The following GRM5 variants were observed in gnomAD, a reference collection of about 807,000 sequenced individuals.
The protein encoded by GRM5 is metabotropic glutamate receptor 5.
A neutral mutation model predicts 83.1 loss-of-function variants in GRM5; 19 were observed. That is an observed-to-expected ratio of 0.23 (90% confidence interval 0.16 to 0.34). The LOEUF (loss-of-function observed/expected upper bound fraction) is 0.34. Ranked by LOEUF, GRM5 falls within the 10% of genes least tolerant of loss-of-function variation. The pLI is 1.00. For missense variants in GRM5, 1,160 were observed against 1,588.3 expected (o/e 0.73, Z 4.58); for synonymous variants, 675 against 633.6 (o/e 1.07, Z -0.98).
In GRM5 at chr11:89,047,171, T is replaced by C; in HGVS notation, c.661+41A>G. The C allele has an allele frequency of 7.0e-7, 1 of 1,430,228 alleles. No homozygotes were observed. Among genetic ancestry groups the C allele is most frequent in the Middle Eastern group, 1.8e-4 (1 of 5,478 alleles). The allele number at this position is 1,430,228 out of a possible 1,614,324, so 88.6% of individuals were successfully genotyped here. A position where few individuals can be genotyped will look rare whatever the true frequency, so the allele number is the denominator to read the frequency against. ...CAAACCTGAAATTGTAACTGTTGAG[T>C]GCATAATAATATATACTCGATGTAT... is the stretch of plus-strand genomic sequence containing the variant. On this transcript the variant is annotated intron_variant, in intron 2 of 9. Coordinates refer to ENST00000305447, the MANE Select transcript of GRM5 (RefSeq NM_001143831.3). The surrounding 1 kb of genome is among the most constrained non-coding windows in gnomAD (Gnocchi z 5.1).
At chr11:88,847,924 C>T (rs1430474267) in intron 3 of GRM5, among the ~76,000 whole-genome samples, 1 of 152,144 alleles carries the variant, frequency 6.6e-6, no homozygotes, top group South Asian at 2.1e-4. Flanking sequence ...AATCTATTTA[C>T]TTAGTGTACA....
intron 2 of GRM5, among the ~76,000 whole-genome samples, chr11:89,034,134 AG>A (rs1941328121): frequency 6.6e-6 from 1 of 151,708 alleles, no homozygotes; most frequent in African/African-American, 2.4e-5. Flanking sequence ...TGGATTTTAT[AG>A]GTTATTGTTT....
chr11:88,685,834 G>T (rs1030456964), intron 3 of GRM5, among the ~76,000 whole-genome samples: 6 of 152,322 alleles, frequency 3.9e-5, no homozygotes, highest in Non-Finnish European at 7.3e-5. Flanking sequence ...GGAAACCTCT[G>T]TTTAGATTTC....
intron 3 of GRM5, among the ~76,000 whole-genome samples, chr11:88,816,317 G>T (rs1943680475): frequency 6.6e-6 from 1 of 150,416 alleles, no homozygotes; most frequent in African/African-American, 2.4e-5. Context: ...TAGGCAGGTG[G>T]ATCATGAGAT....
intron 3 of GRM5, among the ~76,000 whole-genome samples, chr11:88,796,554 A>G (rs763382925): frequency 3.3e-5 from 5 of 152,152 alleles, no homozygotes; most frequent in Non-Finnish European, 2.9e-5. Flanking sequence ...TTCTGTGAAG[A>G]TTTATGATAA....
At chr11:88,580,730 T>A (rs1409353217) in intron 7 of GRM5, among the ~76,000 whole-genome samples, 1 of 152,246 alleles carries the variant, frequency 6.6e-6, no homozygotes, top group African/African-American at 2.4e-5. Context: ...TTAAAAGAGA[T>A]GTTTATAACA....
chr11:88,609,217 G>A (rs1938250501), intron 4 of GRM5, among the ~76,000 whole-genome samples: 1 of 152,124 alleles, frequency 6.6e-6, no homozygotes, highest in Non-Finnish European at 1.5e-5. Flanking sequence ...TCAATGTTTA[G>A]CGCCCACTTA....
intron 3 of GRM5, among the ~76,000 whole-genome samples, chr11:88,768,434 G>A (rs1351233534): frequency 2.0e-5 from 3 of 151,892 alleles, no homozygotes; most frequent in Non-Finnish European, 1.5e-5. Context: ...GTTACCAGAC[G>A]CTGGTGGGAG....
intron 3 of GRM5, among the ~76,000 whole-genome samples, chr11:88,771,172 A>G (rs1942729267): frequency 6.6e-6 from 1 of 152,118 alleles, no homozygotes; most frequent in African/African-American, 2.4e-5. Context: ...TGTGGCTAGC[A>G]GGAATTAAGA....
intron 1 of GRM5, among the ~76,000 whole-genome samples, chr11:89,053,896 T>C (rs1282494543): frequency 6.6e-6 from 1 of 152,136 alleles, no homozygotes; most frequent in Non-Finnish European, 1.5e-5. Flanking sequence ...AGACTTAATA[T>C]TTAGTGTGCT....
At chr11:88,717,446 T>C (rs1426650837) in intron 3 of GRM5, among the ~76,000 whole-genome samples, 4 of 151,912 alleles carry the variant, frequency 2.6e-5, no homozygotes, top group Admixed American at 6.6e-5. Flanking sequence ...AAACCCTATA[T>C]ACTAGATCTC....
At chr11:88,510,268 C>T (rs1015005824) in intron 9 of GRM5, among the ~76,000 whole-genome samples, 1 of 152,214 alleles carries the variant, frequency 6.6e-6, no homozygotes, top group Non-Finnish European at 1.5e-5. Flanking sequence ...GCAGAGTGAT[C>T]TCAAATTAGG....
chr11:88,649,613 A>C (rs924890733), intron 4 of GRM5, among the ~76,000 whole-genome samples: 7 of 150,506 alleles, frequency 4.7e-5, no homozygotes, highest in Non-Finnish European at 1.0e-4. Flanking sequence ...AAATCACAAA[A>C]TCTGGAAGAA....
intron 7 of GRM5, among the ~76,000 whole-genome samples, chr11:88,574,879 A>G (rs1182786539): frequency 4.6e-5 from 7 of 152,192 alleles, no homozygotes; most frequent in Non-Finnish European, 5.9e-5. Context: ...AGAGGAAAGA[A>G]TGAGACAGTA....
chr11:88,838,384 C>T (rs560035186), intron 3 of GRM5, among the ~76,000 whole-genome samples: 1 of 152,252 alleles, frequency 6.6e-6, no homozygotes, highest in South Asian at 2.1e-4. Context: ...GACTCCATCT[C>T]TTCTTTTTAT....
intron 3 of GRM5, among the ~76,000 whole-genome samples, chr11:88,844,362 AC>A (rs1944260889): frequency 9.1e-6 from 1 of 110,326 alleles, no homozygotes; most frequent in Non-Finnish European, 1.6e-5. Flanking sequence ...ATTACTACAC[AC>A]ACACACACAC....
Position 88,506,240 on chromosome 11 carries a change from A to T in GRM5, c.*2352T>A, listed in dbSNP as rs1333586238. ...TTTTTAAGAGATATGTTACTAAAAA[A>T]ATAGAAAATGAATTTGACCATGAAC... is the stretch of plus-strand genomic sequence containing the variant. On this transcript the variant is annotated 3_prime_UTR_variant, in exon 10 of 10. Coordinates refer to ENST00000305447, the MANE Select transcript of GRM5 (RefSeq NM_001143831.3). 1.3e-5 allele frequency: 2 copies of T among 152,228 alleles called. No individual in the cohort carries two copies. The highest frequency in any genetic ancestry group is 4.1e-4 in the South Asian group (2 of 4,832). 9.4% of individuals were successfully genotyped at this position (152,228 alleles called of 1,614,324 possible).
At chr11:88,912,908 C>T (rs1945523327) in intron 2 of GRM5, among the ~76,000 whole-genome samples, 1 of 152,254 alleles carries the variant, frequency 6.6e-6, no homozygotes, top group South Asian at 2.1e-4. Flanking sequence ...CTGACATGTT[C>T]CCAGGTCTAC....
chr11:88,871,264 A>G (rs1320535666), intron 2 of GRM5, among the ~76,000 whole-genome samples: 1 of 151,550 alleles, frequency 6.6e-6, no homozygotes, highest in African/African-American at 2.4e-5. Context: ...TCAAGGTCAA[A>G]TAACTATTAA....
Sources: gnomAD v4.1 joint callset for allele counts (sites outside exome capture counted in the v4.1 genomes callset) on GRCh38, gnomAD v4.1.1 for gene constraint, Gnocchi (gnomAD v3.1) non-coding constraint, MANE v1.5 for transcripts, NCBI Gene and HGNC (gene_info 2026-07-23, HGNC 2026-07-21) for gene names.